Variants in GRIP1 observed in about 807,000 individuals in gnomAD.
GRIP1 encodes the protein glutamate receptor-interacting protein 1.
Under a neutral mutation model 129.9 loss-of-function variants are expected in GRIP1, and 45 were observed. The observed-to-expected ratio is 0.35, with a 90% CI of 0.27 to 0.44. The LOEUF is 0.44. Ranked by LOEUF, GRIP1 falls within the 20% of genes least tolerant of loss-of-function variation. The probability of loss-of-function intolerance (pLI) is 1.00; values close to 1 mark genes in which losing one functional copy is unlikely to be tolerated. For missense variants in GRIP1, 1,196 were observed against 1,396.8 expected (o/e 0.86, Z 2.29); for synonymous variants, 530 against 520.8 (o/e 1.02, Z -0.24).
chr12:66,602,815 T>G (rs1171696852), intron 1 of GRIP1, among the ~76,000 whole-genome samples: 1 of 150,898 alleles, frequency 6.6e-6, no homozygotes, highest in Non-Finnish European at 1.5e-5. Flanking sequence ...GACACAAATG[T>G]GCTCTATATT....
exon 1 of GRIP1, chr12:67,069,073 A>G (rs2043689407): frequency 1.0e-6 from 1 of 982,424 alleles, no homozygotes; most frequent in Non-Finnish European, 1.2e-6. Context: ...CTCTGCCTGC[A>G]AGCAGATAGG....
rs573055692 is a variant in GRIP1 at position 66,468,342 on chromosome 12, G to A, written c.725-2920C>T. Among the ~76,000 whole-genome samples the A allele has an allele frequency of 1.7e-4, 26 of 152,320 alleles. No individual in the cohort carries two copies. The South Asian group carries it at 5.4e-3, about 32-fold the overall frequency. On this transcript the variant is annotated intron_variant, in intron 7 of 24. Coordinates refer to ENST00000359742, the MANE Select transcript of GRIP1 (RefSeq NM_001366722.1). ...GAAGCCTAGGTTCCTAAAATCTTCA[G>A]GGATTTCTCAAGAGATTGAGAAAGA... is the stretch of plus-strand genomic sequence containing the variant.
intron 1 of GRIP1, among the ~76,000 whole-genome samples, chr12:66,912,745 G>C (rs2041051295): frequency 6.6e-6 from 1 of 152,092 alleles, no homozygotes; most frequent in Non-Finnish European, 1.5e-5. Flanking sequence ...ATGTCATCTA[G>C]TGAGGGTATT....
chr12:66,573,842 T>C (rs2063047396), intron 2 of GRIP1, among the ~76,000 whole-genome samples: 1 of 152,146 alleles, frequency 6.6e-6, no homozygotes, highest in Non-Finnish European at 1.5e-5. Context: ...TGCCTCCCAG[T>C]ATTCACCAGC....
At chr12:66,496,638 T>C (rs1039229456) in intron 7 of GRIP1, among the ~76,000 whole-genome samples, 1 of 152,176 alleles carries the variant, frequency 6.6e-6, no homozygotes, top group African/African-American at 2.4e-5. Context: ...ACTGTTAGAC[T>C]CTGGAGCTAT....
In GRIP1 at chr12:66,550,308, C is replaced by T. The variant is rs1434321124; in HGVS notation, c.137-8358G>A. 2.6e-5 allele frequency among the ~76,000 whole-genome samples: 4 copies of T among 152,118 alleles called. No individual in the cohort carries two copies. The East Asian group carries it at 5.8e-4, about 22-fold the overall frequency. On this transcript the variant is annotated intron_variant, in intron 2 of 24. Transcript: ENST00000359742. ...TCTTATAAGGAACTTATGGTAATAA[C>T]CCACACAGTAAGTGTTCAATATATG...
chr12:66,444,151 C>T (rs1198366160), intron 13 of GRIP1, among the ~76,000 whole-genome samples: 1 of 152,206 alleles, frequency 6.6e-6, no homozygotes, highest in Admixed American at 6.5e-5. Context: ...TTCAAAACGA[C>T]ACCCCAAACC....
At chr12:66,578,720 T>A (rs2063241886) in intron 2 of GRIP1, among the ~76,000 whole-genome samples, 1 of 152,180 alleles carries the variant, frequency 6.6e-6, no homozygotes, top group South Asian at 2.1e-4. Context: ...CGCCCACGAT[T>A]GCCCAGGCTT....
At chr12:66,681,478 G>A (rs1001531858), upstream of GRIP1, among the ~76,000 whole-genome samples, 11 of 152,262 alleles carry the variant, frequency 7.2e-5, no homozygotes, top group Non-Finnish European at 1.6e-4. Context: ...GGCAACCGGT[G>A]GAATGTGGAC....
intron 1 of GRIP1, among the ~76,000 whole-genome samples, chr12:66,707,699 T>C (rs1042226197): frequency 5.3e-5 from 8 of 151,926 alleles, no homozygotes; most frequent in Non-Finnish European, 1.0e-4. Context: ...TTTTACAAAG[T>C]TGGATGTTGG....
intron 1 of GRIP1, chr12:67,065,412 G>A (rs933721834): frequency 6.6e-6 from 1 of 152,064 alleles, no homozygotes; most frequent in Admixed American, 6.5e-5. Flanking sequence ...AAACTTGTAA[G>A]AGGAAAAAAA....
intron 14 of GRIP1, among the ~76,000 whole-genome samples, chr12:66,432,080 C>T (rs2058164879): frequency 1.3e-5 from 2 of 151,910 alleles, no homozygotes; most frequent in South Asian, 4.2e-4. Context: ...AAACTTAATT[C>T]ACAATACACT....
intron 2 of GRIP1, among the ~76,000 whole-genome samples, chr12:66,549,122 G>C (rs541334561): frequency 6.6e-6 from 1 of 152,288 alleles, no homozygotes; most frequent in African/African-American, 2.4e-5. Context: ...GTGTCAACAA[G>C]AGTGTTTTTT....
intron 1 of GRIP1, among the ~76,000 whole-genome samples, chr12:67,064,621 T>C (rs532467315): frequency 2.6e-5 from 4 of 152,286 alleles, no homozygotes; most frequent in South Asian, 4.1e-4. Context: ...AAATTCCACA[T>C]TGGACTTTTT....
intron 4 of GRIP1, 152 bp downstream of exon 4, chr12:66,538,926 T>C (rs1207505184): frequency 2.5e-5 from 17 of 689,682 alleles, no homozygotes; most frequent in Non-Finnish European, 4.0e-5. Flanking sequence ...AATGTCTTAC[T>C]GTGCCAAATT....
At chr12:66,610,604 T>A (rs1333227189) in intron 1 of GRIP1, among the ~76,000 whole-genome samples, 1 of 152,150 alleles carries the variant, frequency 6.6e-6, no homozygotes, top group African/African-American at 2.4e-5. Flanking sequence ...TTGTCCTTTA[T>A]ATAATTCATG....
At chr12:66,396,157 T>C (rs1413211078) in intron 16 of GRIP1, among the ~76,000 whole-genome samples, 1 of 152,222 alleles carries the variant, frequency 6.6e-6, no homozygotes, top group Non-Finnish European at 1.5e-5. Context: ...GTGTGGGCCA[T>C]TCAGTGGAGG....
chr12:67,039,248 T>G (rs920444110), intron 1 of GRIP1, among the ~76,000 whole-genome samples: 1 of 152,184 alleles, frequency 6.6e-6, no homozygotes, highest in Non-Finnish European at 1.5e-5. Flanking sequence ...CAATTACTAC[T>G]TAAATACCTT....
At chr12:66,819,457 A>C (rs2039280725) in intron 1 of GRIP1, among the ~76,000 whole-genome samples, 1 of 152,238 alleles carries the variant, frequency 6.6e-6, no homozygotes, top group African/African-American at 2.4e-5. Flanking sequence ...ATACAAATAC[A>C]TGAATTAAAC....
Sources: gnomAD v4.1 joint callset for allele counts (sites outside exome capture counted in the v4.1 genomes callset) on GRCh38, gnomAD v4.1.1 for gene constraint, MANE v1.5 for transcripts, NCBI Gene and HGNC (gene_info 2026-07-23, HGNC 2026-07-21) for gene names.